The following XKR9 variants were observed in gnomAD, a reference collection of about 807,000 sequenced individuals.
The protein encoded by XKR9 is XK-related protein 9.
In XKR9, 32 loss-of-function variants were observed where a neutral mutation model predicts 32.0. That is an observed-to-expected ratio of 1.00 (90% CI 0.76 to 1.34). XKR9 has a LOEUF of 1.34. Ranked by LOEUF, XKR9 falls within the 40% of genes most tolerant of loss-of-function variation. The pLI, the probability that XKR9 is intolerant of heterozygous loss-of-function variation, is 0.00. For missense variants in XKR9, 546 were observed against 429.7 expected, an observed-to-expected ratio of 1.27 and a Z score of -2.39; for synonymous variants, 168 against 143.4, an observed-to-expected ratio of 1.17 and a Z score of -1.22.
the XKR9 span, among the ~76,000 whole-genome samples, chr8:71,019,613 T>A: frequency 6.6e-6 from 1 of 152,184 alleles, no homozygotes; most frequent in East Asian, 1.9e-4. Flanking sequence ...ATGTTTTTGT[T>A]AAATCTCTAA....
chr8:70,710,561 G>A (rs1805879232), intron 4 of XKR9, among the ~76,000 whole-genome samples: 1 of 152,044 alleles, frequency 6.6e-6, no homozygotes, highest in Admixed American at 6.6e-5. Context: ...CAATTAGCTG[G>A]GTGTGGTGGC....
chr8:70,669,947 T>G (rs1818651819), intron 1 of XKR9, among the ~76,000 whole-genome samples: 2 of 152,176 alleles, frequency 1.3e-5, no homozygotes, highest in Non-Finnish European at 2.9e-5. Flanking sequence ...ATTACAGGCG[T>G]GAGCTACCAC....
chr8:70,752,404 A>G (rs1586883349), intron 2 of XKR9, among the ~76,000 whole-genome samples: 1 of 152,296 alleles, frequency 6.6e-6, no homozygotes, highest in Non-Finnish European at 1.5e-5. Flanking sequence ...GCTTCTGGTG[A>G]GGGCCTCATG....
At chr8:70,810,055 C>A in the XKR9 span, among the ~76,000 whole-genome samples, 1 of 152,108 alleles carries the variant, frequency 6.6e-6, no homozygotes, top group Non-Finnish European at 1.5e-5. Context: ...GTGGGGTTAC[C>A]CACAAAGGGA....
intron 2 of XKR9, among the ~76,000 whole-genome samples, chr8:70,779,311 G>A (rs139902735): frequency 4.6e-5 from 7 of 152,208 alleles, no homozygotes; most frequent in Non-Finnish European, 5.9e-5. Flanking sequence ...CAACTTGTTC[G>A]TGGTGGATAA....
intron 2 of XKR9, among the ~76,000 whole-genome samples, chr8:70,675,991 C>T (rs1026022235): frequency 6.6e-6 from 1 of 152,126 alleles, no homozygotes; most frequent in Non-Finnish European, 1.5e-5. Flanking sequence ...GCCATTCTTG[C>T]ATTGCTATAA....
the XKR9 span, among the ~76,000 whole-genome samples, chr8:70,879,472 G>A: frequency 6.6e-5 from 10 of 152,066 alleles, no homozygotes; most frequent in Middle Eastern, 3.4e-3. Flanking sequence ...ATGATAAAAG[G>A]GATATCACCA....
the XKR9 span, among the ~76,000 whole-genome samples, chr8:70,976,449 G>A: frequency 6.6e-6 from 1 of 152,120 alleles, no homozygotes; most frequent in African/African-American, 2.4e-5. Context: ...TTTGTTGAAG[G>A]CCTTTTCTGC....
At chr8:71,006,641 G>A in the XKR9 span, among the ~76,000 whole-genome samples, 1 of 152,130 alleles carries the variant, frequency 6.6e-6, no homozygotes, top group Non-Finnish European at 1.5e-5. Context: ...CTTATTTTTA[G>A]GGACTCAAGC....
At position 70,735,495 on chromosome 8, in the gene XKR9, G is replaced by A. The variant is rs1003526847; in HGVS notation, c.*1071G>A. The A allele has an allele frequency of 4.0e-5, 6 of 149,986 alleles. No individual in the cohort carries two copies. Among genetic ancestry groups the A allele is most frequent in the African/African-American group, 1.5e-4 (6 of 40,686 alleles). The allele number at this position is 149,986 out of a possible 1,614,324, so 9.3% of individuals were successfully genotyped here. ...ATTATTATTATACTTTAAGGTTTAGGGTACATGTGCACAATGTGCAGGTTA... is the reference window on the plus strand; with the variant it reads ...ATTATTATTATACTTTAAGGTTTAGAGTACATGTGCACAATGTGCAGGTTA... On this transcript the variant is annotated 3_prime_UTR_variant, in exon 5 of 5. Coordinates refer to ENST00000408926, the MANE Select transcript of XKR9 (RefSeq NM_001011720.2).
the XKR9 span, among the ~76,000 whole-genome samples, chr8:70,869,493 T>C: frequency 6.6e-6 from 1 of 152,112 alleles, no homozygotes; most frequent in Non-Finnish European, 1.5e-5. Context: ...ATCAGGAGAA[T>C]AGCACAGAAA....
the XKR9 span, among the ~76,000 whole-genome samples, chr8:70,946,410 C>T: frequency 1.3e-5 from 2 of 152,124 alleles, no homozygotes; most frequent in Admixed American, 6.5e-5. Context: ...CCTCCTCCAT[C>T]TTTCCACTGA....
chr8:70,714,171 C>T (rs929896417), intron 4 of XKR9, among the ~76,000 whole-genome samples: 20 of 152,038 alleles, frequency 1.3e-4, no homozygotes, highest in African/African-American at 4.8e-4. Context: ...ATTAGGGCCT[C>T]ACCATTATAA....
chr8:71,025,127 T>G, the XKR9 span, among the ~76,000 whole-genome samples: 25 of 114,564 alleles, frequency 2.2e-4, no homozygotes, highest in Non-Finnish European at 4.1e-4. Context: ...CCTTAAACAA[T>G]TTGCTCCAAA....
At chr8:70,946,486 A>G in the XKR9 span, among the ~76,000 whole-genome samples, 15 of 152,290 alleles carry the variant, frequency 9.8e-5, no homozygotes, top group African/African-American at 3.4e-4. Flanking sequence ...ATACCCTACA[A>G]CAGTCCTTCA....
intron 4 of XKR9, among the ~76,000 whole-genome samples, chr8:70,733,383 C>T (rs1279263473): frequency 6.6e-6 from 1 of 151,752 alleles, no homozygotes; most frequent in Non-Finnish European, 1.5e-5. Flanking sequence ...TGGGTGTATG[C>T]CTAAAATCAC....
intron 4 of XKR9, among the ~76,000 whole-genome samples, chr8:70,712,628 G>C (rs1014238554): frequency 2.0e-5 from 3 of 152,106 alleles, no homozygotes; most frequent in African/African-American, 7.2e-5. Flanking sequence ...TTGATGCTGA[G>C]TAGAGCAGAG....
chr8:70,876,401 G>A, the XKR9 span, among the ~76,000 whole-genome samples: 16 of 151,848 alleles, frequency 1.1e-4, no homozygotes, highest in East Asian at 7.7e-4. Context: ...TAGTAGAGAC[G>A]GGGTTTCACC....
At chr8:70,869,029 G>T in the XKR9 span, among the ~76,000 whole-genome samples, 1 of 152,130 alleles carries the variant, frequency 6.6e-6, no homozygotes, top group South Asian at 2.1e-4. Context: ...TTCCCAACAA[G>T]TTCCTCATTT....
Sources: allele counts gnomAD v4.1 joint callset (sites outside exome capture counted in the v4.1 genomes callset), GRCh38; gene constraint gnomAD v4.1.1; transcripts MANE v1.5; gene names NCBI Gene and HGNC (gene_info 2026-07-23, HGNC 2026-07-21).